The following DHX37 variants were observed in gnomAD, a reference collection of about 807,000 sequenced individuals.
DHX37 encodes the protein DEAH-box helicase 37, also known as probable ATP-dependent RNA helicase DHX37.
In DHX37, 52 loss-of-function variants were observed where a neutral mutation model predicts 134.3. That is an observed-to-expected ratio of 0.39 (90% confidence interval 0.31 to 0.49). The LOEUF (loss-of-function observed/expected upper bound fraction) is 0.49, where lower values mean the gene tolerates loss of function less well. DHX37 is among the 20% of genes least tolerant of loss of function. The pLI is 0.93. For synonymous variants in DHX37, 634 were observed against 670.7 expected (o/e 0.95, Z 0.85); for missense variants, 1,344 against 1,580.8 (o/e 0.85, Z 2.54).
chr12:124,989,100 A>G lies in DHX37; in HGVS notation c.-78T>C. 1 of 949,364 alleles carries G rather than the reference A, an allele frequency of 1.1e-6. No individual in the cohort carries two copies. The highest frequency in any genetic ancestry group is 1.4e-6 in the Non-Finnish European group (1 of 716,614). The allele number at this position is 949,364 out of a possible 1,614,324, so 58.8% of individuals were successfully genotyped here. ...AAACCCAGCCCACGTGGGTTCCCAG[A>G]CCACCAACTCCGGCCGTGAGACTTC... is the stretch of plus-strand genomic sequence containing the variant. On this transcript the variant is annotated 5_prime_UTR_variant, in exon 1 of 27. Coordinates refer to ENST00000308736, the MANE Select transcript of DHX37 (RefSeq NM_032656.4).
At chr12:124,979,468 C>T (rs914264735) in intron 4 of DHX37, among the ~76,000 whole-genome samples, 2 of 152,124 alleles carry the variant, frequency 1.3e-5, no homozygotes, top group East Asian at 1.9e-4. Flanking sequence ...ATATTCACAC[C>T]GTGAATACTC....
At chr12:124,964,063 C>T (rs1008148892) in intron 15 of DHX37, among the ~76,000 whole-genome samples, 3 of 151,630 alleles carry the variant, frequency 2.0e-5, no homozygotes, top group Non-Finnish European at 2.9e-5. Context: ...GGCGTGGTGG[C>T]GCACACCAGT....
rs756319573 is a variant in DHX37 at position 124,964,536 on chromosome 12, C to G, written c.1903G>C (p.Val635Leu). The G allele has an allele frequency of 6.2e-7, 1 of 1,613,878 alleles. No individual in the cohort carries two copies. Among genetic ancestry groups the G allele is most frequent in the Non-Finnish European group, 8.5e-7 (1 of 1,179,718 alleles). ...TTCTTGACCTTCCCACAGTCCACCA[C>G]GTACTTGATGCCAGGGATGGTAAGC... is the stretch of plus-strand genomic sequence containing the variant. ...TSLTIPGIKY[V>L]VDCGKVKKRY... Residue 635 changes from valine (V) to leucine (L), a missense_variant, in exon 15 of 27, where the codon GTG becomes CTG. Around this residue, in one of 7 missense-constraint regions of DHX37, gnomAD observed 39 missense variants for 87.9 expected, o/e 0.44. Coordinates refer to ENST00000308736, the MANE Select transcript of DHX37 (RefSeq NM_032656.4).
At chr12:124,950,612 C>T in intron 22 of DHX37, 62 bp from the exon 23 acceptor site, 2 of 1,562,384 alleles carry the variant, frequency 1.3e-6, no homozygotes, top group Non-Finnish European at 1.7e-6. Flanking sequence ...GGCTGCCATG[C>T]CTCTGCCCCA....
At position 124,971,296 on chromosome 12, in the gene DHX37, C is replaced by A. The variant is rs921554487; in HGVS notation, c.1191+6G>T. The A allele has an allele frequency of 6.2e-7, 1 of 1,611,604 alleles. No individual in the cohort carries two copies. On this transcript the variant is annotated splice_donor_region_variant and intron_variant, in intron 8 of 26. Transcript: ENST00000308736. ...GGGGCTCCCCAGCACCCGCCTCCTG[C>A]GCTACCTTAGCCCGGAGAGTCACAA...
At chr12:124,948,405 G>T in intron 25 of DHX37, 1 of 715,338 alleles carries the variant, frequency 1.4e-6, no homozygotes, top group South Asian at 1.9e-5. Context: ...AACCATGACT[G>T]CACCACTGCA....
At chr12:124,969,363 G>A (rs934905309) in intron 8 of DHX37, among the ~76,000 whole-genome samples, 12 of 152,124 alleles carry the variant, frequency 7.9e-5, no homozygotes, top group African/African-American at 1.4e-4. Context: ...TCCCCAGGCC[G>A]CTCAGCAATG....
Position 124,980,586 on chromosome 12 carries a change from C to T in DHX37, c.642G>A (p.Met214Ile). The T allele has an allele frequency of 6.2e-7, 1 of 1,611,014 alleles. No homozygotes were observed. Among genetic ancestry groups the T allele is most frequent in the Non-Finnish European group, 8.5e-7 (1 of 1,179,724 alleles). The part of the protein sequence containing the change: ...APSSQPVPAG[M>I]TVPPPPAAAP... ...CTGCAGCTGGAGGAGGAGGAACAGT[C>T]ATCCCAGCCGGCACGGGCTGACTGC... The change falls in exon 4 of 27, where the codon ATG (methionine) becomes ATA (isoleucine). Residue 214 changes from methionine to isoleucine, a missense_variant. By Grantham distance (10) the Met-to-Ile change is conservative. Coordinates refer to ENST00000308736, the MANE Select transcript of DHX37 (RefSeq NM_032656.4). This position sits in a 1 kb window ranked among gnomAD's most constrained non-coding sequence, Gnocchi z 5.3.
At chr12:124,956,660 G>A in intron 18 of DHX37, 31 bp downstream of exon 18, 2 of 1,518,490 alleles carry the variant, frequency 1.3e-6, no homozygotes, top group Non-Finnish European at 1.8e-6. Context: ...AACTGAGCTT[G>A]GCCCTGAGTG....
intron 16 of DHX37, among the ~76,000 whole-genome samples, chr12:124,959,828 C>T (rs1954190805): frequency 6.6e-6 from 1 of 152,244 alleles, no homozygotes. Flanking sequence ...TGTCCCTGGA[C>T]AAAAACCTTC....
intron 21 of DHX37, among the ~76,000 whole-genome samples, 192 bp from the exon 22 acceptor site, chr12:124,950,996 T>C (rs1457285286): frequency 1.3e-5 from 2 of 152,058 alleles, no homozygotes; most frequent in Non-Finnish European, 2.9e-5. Flanking sequence ...AAGTGCCGGG[T>C]GCAATGGCTC....
intron 15 of DHX37, among the ~76,000 whole-genome samples, chr12:124,962,975 C>T (rs931669799): frequency 6.6e-6 from 1 of 152,332 alleles, no homozygotes; most frequent in East Asian, 1.9e-4. Flanking sequence ...CCCAGAGTTA[C>T]CATACGGCCC....
intron 5 of DHX37, among the ~76,000 whole-genome samples, chr12:124,976,759 G>A (rs1044759734): frequency 2.0e-5 from 3 of 151,108 alleles, no homozygotes; most frequent in Admixed American, 6.6e-5. Flanking sequence ...GAACCCGGGA[G>A]GCGCAGCTTG....
At chr12:124,986,399 A>G in intron 1 of DHX37, 134 bp from the exon 2 acceptor site, 2 of 989,236 alleles carry the variant, frequency 2.0e-6, no homozygotes, top group Non-Finnish European at 3.0e-6. Context: ...GCTCAAATCT[A>G]TTTTCATAAC....
At chr12:124,975,832 G>A (rs1409910338) in intron 5 of DHX37, among the ~76,000 whole-genome samples, 4 of 152,150 alleles carry the variant, frequency 2.6e-5, no homozygotes, top group African/African-American at 2.4e-5. Flanking sequence ...CCAAGCCGAT[G>A]GGTGGCTGGT....
chr12:124,956,993 G>A (rs372094028), intron 17 of DHX37, 36 bp downstream of exon 17: 626 of 1,525,328 alleles, frequency 4.1e-4, no homozygotes, highest in Non-Finnish European at 5.2e-4. Flanking sequence ...GGCCCTGAAC[G>A]GGGCAGGAAC....
At chr12:124,982,917 A>G (rs1954785663) in intron 2 of DHX37, among the ~76,000 whole-genome samples, 1 of 152,172 alleles carries the variant, frequency 6.6e-6, no homozygotes, top group Admixed American at 6.5e-5. Context: ...AATAAAGCAC[A>G]GTTCAGTCAT....
chr12:124,974,511 G>T (rs1163060464), intron 6 of DHX37, among the ~76,000 whole-genome samples: 1 of 150,068 alleles, frequency 6.7e-6, no homozygotes, highest in African/African-American at 2.5e-5. Context: ...GGGGCCGGTG[G>T]CTCTGTCTGG....
intron 1 of DHX37, among the ~76,000 whole-genome samples, chr12:124,987,171 C>T (rs1271417649): frequency 2.6e-5 from 4 of 152,196 alleles, no homozygotes; most frequent in Non-Finnish European, 2.9e-5. Flanking sequence ...GGCAAAATCC[C>T]GTCTCTACAA....
Sources: gnomAD v4.1 joint callset for allele counts (sites outside exome capture counted in the v4.1 genomes callset) on GRCh38, gnomAD v4.1.1 for gene constraint, gnomAD v4.1.1 regional missense constraint, Gnocchi (gnomAD v3.1) non-coding constraint, MANE v1.5 for transcripts, NCBI Gene and HGNC (gene_info 2026-07-23, HGNC 2026-07-21) for gene names.